WDFY4: variants seen among roughly 807,000 people sequenced by gnomAD.
The protein encoded by WDFY4 is WDFY family member 4.
A neutral mutation model predicts 351.9 loss-of-function variants in WDFY4; 169 were observed. The ratio of observed to expected loss-of-function variants is 0.48; its 90% CI spans 0.42 to 0.55. WDFY4 has a LOEUF of 0.55. Among genes scored for constraint, WDFY4 ranks in the 20% least tolerant of loss-of-function variants. The pLI, the probability that WDFY4 is intolerant of heterozygous loss-of-function variation, is 0.00. For synonymous variants in WDFY4, 1,622 were observed against 1,574.6 expected, an observed-to-expected ratio of 1.03 and a Z score of -0.71; for missense variants, 3,803 against 3,935.6, an observed-to-expected ratio of 0.97 and a Z score of 0.90.
At chr10:48,852,289 C>T (rs1217104583) in intron 39 of WDFY4, among the ~76,000 whole-genome samples, 12 of 152,214 alleles carry the variant, frequency 7.9e-5, no homozygotes, top group Non-Finnish European at 1.5e-5. Context: ...CCTACTCTGC[C>T]ACTTCCTGTA....
At chr10:48,849,758 T>G (rs1385875656) in intron 39 of WDFY4, among the ~76,000 whole-genome samples, 1 of 152,244 alleles carries the variant, frequency 6.6e-6, no homozygotes, top group Non-Finnish European at 1.5e-5. Context: ...AGCTAAGAAA[T>G]TGACATTGTT....
intron 39 of WDFY4, among the ~76,000 whole-genome samples, chr10:48,864,527 A>G (rs1008720177): frequency 5.3e-5 from 8 of 152,162 alleles, no homozygotes; most frequent in African/African-American, 1.4e-4. Flanking sequence ...GTCTTTCTAC[A>G]TTCTTTATTT....
chr10:48,942,820 A>T (rs1840848289), intron 48 of WDFY4, among the ~76,000 whole-genome samples: 1 of 152,122 alleles, frequency 6.6e-6, no homozygotes, highest in South Asian at 2.1e-4. Context: ...GTTCATCTGG[A>T]GGCAGAGGGC....
chr10:48,720,090 A>G lies in WDFY4; in HGVS notation c.314A>G (p.Gln105Arg), dbSNP rs1188084030. ...LAEDVSDQLA[Q>R]QLQKALVGKP... is the part of the protein sequence containing the mutation. ...GAAGACGTGTCTGACCAGCTTGCCC[A>G]GCAACTCCAGAAGGCCCTTGTGGGG... Residue 105 changes from glutamine to arginine, a missense_variant, in exon 3 of 62, where the codon CAG (glutamine) becomes CGG (arginine). Gln to Arg is a conservative substitution (Grantham distance 43). Transcript: ENST00000325239. 5 of 1,551,734 alleles carry G rather than the reference A, an allele frequency of 3.2e-6. No homozygotes were observed. The highest frequency in any genetic ancestry group is 3.5e-6 in the Non-Finnish European group (4 of 1,147,022).
In WDFY4 at chr10:48,970,295, G is replaced by T. The variant is rs1282238385; in HGVS notation, c.8928+6G>T. The T allele has an allele frequency of 3.8e-5, 59 of 1,549,400 alleles. No homozygotes were observed. The highest frequency in any genetic ancestry group is 4.8e-5 in the Non-Finnish European group (55 of 1,146,972). The stretch of plus-strand genomic sequence containing the variant: ...GGGGCTTGCGCCTCCGGCAGGTATG[G>T]TCCAGCTCGTGCAGGTGCGGTCCTC... On this transcript the variant is annotated splice_donor_region_variant and intron_variant, in intron 57 of 61. Coordinates refer to ENST00000325239, the MANE Select transcript of WDFY4 (RefSeq NM_001394531.1).
At chr10:48,902,641 C>T (rs1589840015) in intron 47 of WDFY4, among the ~76,000 whole-genome samples, 1 of 152,012 alleles carries the variant, frequency 6.6e-6, no homozygotes, top group East Asian at 1.9e-4. Flanking sequence ...AATCCCCTGT[C>T]CTTATTGAGT....
At position 48,776,883 on chromosome 10, in the gene WDFY4, G is replaced by T. The variant is rs187131083; in HGVS notation, c.2997G>T (p.Ala999=). The T allele has an allele frequency of 2.2e-5, 34 of 1,551,984 alleles. No individual in the cohort carries two copies. In the South Asian group the frequency reaches 2.5e-4, roughly 11 times the overall value. ...ATTCAACTACTGCTCTTCAGACGGC[G>T]CTGAGCCTCATCTCCATGACCTCCC... is the stretch of plus-strand genomic sequence containing the variant. The part of the protein sequence containing the change: ...SQDSTTALQT[A]LSLISMTSPR... Residue 999 remains alanine, a synonymous_variant, in exon 16 of 62, where the codon GCG becomes GCT. Coordinates refer to ENST00000325239, the MANE Select transcript of WDFY4 (RefSeq NM_001394531.1).
intron 39 of WDFY4, among the ~76,000 whole-genome samples, chr10:48,856,159 T>G (rs1044517279): frequency 3.3e-5 from 5 of 152,166 alleles, no homozygotes; most frequent in Admixed American, 3.3e-4. Context: ...ATCTGTTTCT[T>G]TGTTCAATCT....
At chr10:48,929,060 A>G (rs1839822849) in intron 47 of WDFY4, among the ~76,000 whole-genome samples, 1 of 152,174 alleles carries the variant, frequency 6.6e-6, no homozygotes, top group Non-Finnish European at 1.5e-5. Flanking sequence ...GAGTTGGAAG[A>G]TGCGCTTTTT....
At chr10:48,812,576 T>G (rs773958348) in intron 30 of WDFY4, among the ~76,000 whole-genome samples, 1 of 152,128 alleles carries the variant, frequency 6.6e-6, no homozygotes, top group Non-Finnish European at 1.5e-5. Context: ...GCATCCCACC[T>G]AAAACCAGAG....
intron 39 of WDFY4, among the ~76,000 whole-genome samples, chr10:48,854,415 CT>C (rs946329458): frequency 4.6e-5 from 7 of 151,116 alleles, no homozygotes; most frequent in East Asian, 1.9e-4. Context: ...AGCCCTAAGT[CT>C]TTTTTTTTCA....
intron 44 of WDFY4, among the ~76,000 whole-genome samples, chr10:48,895,614 A>G (rs938057897): frequency 3.9e-5 from 6 of 152,186 alleles, no homozygotes; most frequent in African/African-American, 1.2e-4. Flanking sequence ...ACAGAAATCA[A>G]CTTTATTTCT....
At chr10:48,894,069 A>G (rs1211337781) in intron 44 of WDFY4, among the ~76,000 whole-genome samples, 2 of 152,254 alleles carry the variant, frequency 1.3e-5, no homozygotes, top group South Asian at 4.1e-4. Context: ...TGAATGTTAC[A>G]TATGATAGAC....
intron 12 of WDFY4, among the ~76,000 whole-genome samples, chr10:48,750,218 T>G (rs1321087033): frequency 6.6e-6 from 1 of 152,146 alleles, no homozygotes; most frequent in East Asian, 1.9e-4. Flanking sequence ...TGGGGGACAG[T>G]GTAGTTCCTG....
chr10:48,716,748 G>A lies in WDFY4; in HGVS notation c.235-3263G>A, dbSNP rs74543358. Among the ~76,000 whole-genome samples, 739 of 152,324 alleles carry A rather than the reference G, an allele frequency of 4.9e-3. 8 individuals carry two copies. Among genetic ancestry groups the A allele is most frequent in the African/African-American group, 0.017 (710 of 41,566 alleles). Reference sequence around the variant, plus strand: ...CCTGGAGTCCCACTGCTCCAGAGACGATATAGATGCTTCTGAGTCAAATGC... The same window carrying A: ...CCTGGAGTCCCACTGCTCCAGAGACAATATAGATGCTTCTGAGTCAAATGC... On this transcript the variant is annotated intron_variant, in intron 2 of 61. Transcript: ENST00000325239.
chr10:48,928,613 G>A (rs1364312969), intron 47 of WDFY4, among the ~76,000 whole-genome samples: 2 of 152,156 alleles, frequency 1.3e-5, no homozygotes, highest in African/African-American at 2.4e-5. Flanking sequence ...AGCTGCACAG[G>A]CCCCCTCGTA....
chr10:48,919,677 A>C (rs1034256186), intron 47 of WDFY4, among the ~76,000 whole-genome samples: 8 of 152,286 alleles, frequency 5.3e-5, no homozygotes, highest in African/African-American at 1.9e-4. Flanking sequence ...AATTGTCTGG[A>C]GCCCCTTTTG....
At chr10:48,819,893 A>T (rs2067756504) in intron 32 of WDFY4, among the ~76,000 whole-genome samples, 1 of 152,082 alleles carries the variant, frequency 6.6e-6, no homozygotes, top group South Asian at 2.1e-4. Flanking sequence ...CCGGTGTCAG[A>T]TGGTTTTTAT....
At chr10:48,826,499 G>A (rs1249234140) in intron 35 of WDFY4, among the ~76,000 whole-genome samples, 172 bp from the exon 36 acceptor site, 1 of 152,146 alleles carries the variant, frequency 6.6e-6, no homozygotes, top group Non-Finnish European at 1.5e-5. Flanking sequence ...TTCTAATTCT[G>A]TGAAGAATAT....
Sources: allele counts gnomAD v4.1 joint callset (sites outside exome capture counted in the v4.1 genomes callset), GRCh38; gene constraint gnomAD v4.1.1; transcripts MANE v1.5; gene names NCBI Gene and HGNC (gene_info 2026-07-23, HGNC 2026-07-21).